KCND3: variants seen among roughly 807,000 people sequenced by gnomAD.
KCND3 encodes potassium voltage-gated channel subfamily D member 3, also known as A-type voltage-gated potassium channel KCND3.
A neutral mutation model predicts 51.1 loss-of-function variants in KCND3; 9 were observed. The observed-to-expected ratio is 0.18, with a 90% CI of 0.11 to 0.31. The LOEUF (loss-of-function observed/expected upper bound fraction) is 0.31. Among genes scored for constraint, KCND3 ranks in the 10% least tolerant of loss-of-function variants. The pLI is 1.00. For synonymous variants in KCND3, 349 were observed against 368.0 expected (o/e 0.95, Z 0.59); for missense variants, 526 against 903.8 (o/e 0.58, Z 5.36).
chr1:111,789,329 C>G (rs772916237), intron 2 of KCND3, among the ~76,000 whole-genome samples: 4 of 152,188 alleles, frequency 2.6e-5, no homozygotes, highest in Non-Finnish European at 4.4e-5. Flanking sequence ...CCTTCTCCAC[C>G]GGGAATAAGG....
chr1:111,807,860 A>G (rs1330283407), intron 2 of KCND3, among the ~76,000 whole-genome samples: 2 of 152,206 alleles, frequency 1.3e-5, no homozygotes, highest in African/African-American at 4.8e-5. Context: ...TTGTTAAGTG[A>G]TGCATGGCTG....
intron 3 of KCND3, among the ~76,000 whole-genome samples, chr1:111,781,090 A>G (rs1276517462): frequency 6.6e-6 from 1 of 152,196 alleles, no homozygotes; most frequent in Non-Finnish European, 1.5e-5. Flanking sequence ...CAGTATTGCA[A>G]AATGCCATGT....
At chr1:111,804,173 C>G (rs546977457) in intron 2 of KCND3, among the ~76,000 whole-genome samples, 1 of 152,384 alleles carries the variant, frequency 6.6e-6, no homozygotes, top group South Asian at 2.1e-4. Context: ...TCCTCCCTGG[C>G]TTCCGCCAAG....
Position 111,889,584 on chromosome 1 carries a change from C to T in KCND3, c.1106+92037G>A, listed in dbSNP as rs149895645. 1.6e-4 allele frequency among the ~76,000 whole-genome samples: 24 copies of T among 151,738 alleles called. No individual in the cohort carries two copies. In the East Asian group the frequency reaches 4.3e-3, roughly 27 times the overall value. Reference sequence around the variant, plus strand: ...AAATCATTTTAGGAGAATTTTTTGCCAAAGTTAAGGATGCACCCAGGAGAC... The same window carrying T: ...AAATCATTTTAGGAGAATTTTTTGCTAAAGTTAAGGATGCACCCAGGAGAC... On this transcript the variant is annotated intron_variant, in intron 2 of 7. Transcript: ENST00000302127.
rs540001651 is a variant in KCND3 at position 111,827,862 on chromosome 1, G to A, written c.1107-40756C>T. ...GCTGAGCAGAGGAAGAAGAAATGGG[G>A]CTCCAAGGGATGCAGCAGGGGGCCC... On this transcript the variant is annotated intron_variant, in intron 2 of 7. Transcript: ENST00000302127. Among the ~76,000 whole-genome samples, 392 of 152,282 alleles carry A rather than the reference G, an allele frequency of 2.6e-3. 4 individuals are homozygous for A. The highest frequency in any genetic ancestry group is 9.2e-3 in the African/African-American group (382 of 41,564).
At chr1:111,924,984 T>G (rs920196955) in intron 2 of KCND3, among the ~76,000 whole-genome samples, 1 of 152,240 alleles carries the variant, frequency 6.6e-6, no homozygotes, top group African/African-American at 2.4e-5. Flanking sequence ...TGCTCTCATC[T>G]CCACCTTGTG....
chr1:111,964,618 T>A (rs1437588028), intron 2 of KCND3, among the ~76,000 whole-genome samples: 1 of 152,210 alleles, frequency 6.6e-6, no homozygotes, highest in Non-Finnish European at 1.5e-5. Context: ...AAGGCAGCAC[T>A]AACTCAGAGG....
intron 2 of KCND3, among the ~76,000 whole-genome samples, chr1:111,952,495 G>A (rs1673112679): frequency 6.6e-6 from 1 of 152,190 alleles, no homozygotes; most frequent in Non-Finnish European, 1.5e-5. Flanking sequence ...TCACCATCTT[G>A]CAACAGCACT....
intron 2 of KCND3, among the ~76,000 whole-genome samples, chr1:111,821,577 C>T (rs760772145): frequency 5.3e-5 from 8 of 152,172 alleles, no homozygotes; most frequent in Non-Finnish European, 1.2e-4. Flanking sequence ...CAGGGTTGCT[C>T]TGGGATTTGG....
At chr1:111,776,885 A>G in intron 7 of KCND3, 141 bp downstream of exon 7, 1 of 1,488,356 alleles carries the variant, frequency 6.7e-7, no homozygotes, top group Admixed American at 2.0e-5. Context: ...CTTGCAAGGA[A>G]AGGAGGAAGG....
intron 2 of KCND3, among the ~76,000 whole-genome samples, chr1:111,976,450 C>A (rs543645788): frequency 6.6e-6 from 1 of 152,192 alleles, no homozygotes; most frequent in Non-Finnish European, 1.5e-5. Context: ...GTTCTCATAT[C>A]GCCAGAAGAT....
chr1:111,917,808 C>T (rs1030195907), intron 2 of KCND3, among the ~76,000 whole-genome samples: 1 of 152,192 alleles, frequency 6.6e-6, no homozygotes, highest in Non-Finnish European at 1.5e-5. Context: ...ACCACTGCAC[C>T]TTCCACTACA....
At chr1:111,870,001 T>C (rs936362895) in intron 2 of KCND3, among the ~76,000 whole-genome samples, 1 of 152,210 alleles carries the variant, frequency 6.6e-6, no homozygotes, top group Admixed American at 6.5e-5. Flanking sequence ...TGTGTGTTTT[T>C]TGAGGGAGTG....
intron 2 of KCND3, among the ~76,000 whole-genome samples, chr1:111,815,882 T>TC (rs1329213687): frequency 2.0e-5 from 3 of 152,000 alleles, no homozygotes; most frequent in African/African-American, 7.3e-5. Flanking sequence ...TTCCTGGATG[T>TC]TCCCCCCCCA....
At chr1:111,816,051 C>G (rs927816052) in intron 2 of KCND3, among the ~76,000 whole-genome samples, 2 of 152,252 alleles carry the variant, frequency 1.3e-5, no homozygotes, top group African/African-American at 2.4e-5. Context: ...TATGAATCAT[C>G]TCGTTTAATC....
At chr1:111,912,857 A>G (rs1383461920) in intron 2 of KCND3, among the ~76,000 whole-genome samples, 1 of 152,262 alleles carries the variant, frequency 6.6e-6, no homozygotes, top group Non-Finnish European at 1.5e-5. Flanking sequence ...TTACTGGAAG[A>G]GTCAAAAAGT....
Position 111,776,032 on chromosome 1 carries a change from C to T in KCND3, c.*45G>A, listed in dbSNP as rs771468218. 2 of 1,602,612 alleles carry T rather than the reference C, an allele frequency of 1.2e-6. No homozygotes were observed. Among genetic ancestry groups the T allele is most frequent in the Admixed American group, 1.7e-5 (1 of 60,004 alleles). On this transcript the variant is annotated 3_prime_UTR_variant, in exon 8 of 8. Coordinates refer to ENST00000302127, the MANE Select transcript of KCND3 (RefSeq NM_001378969.1). Reference sequence around the variant, plus strand: ...AGTGACCACCCACCAACATGCCAGTCCCCTTCATTCCCCACTACCCACTCT... The same window carrying T: ...AGTGACCACCCACCAACATGCCAGTTCCCTTCATTCCCCACTACCCACTCT...
chr1:111,920,746 G>A (rs867191943), intron 2 of KCND3, among the ~76,000 whole-genome samples: 7 of 152,320 alleles, frequency 4.6e-5, no homozygotes, highest in Middle Eastern at 6.8e-3. Context: ...GCCACCGGTA[G>A]CTCTGTGTGT....
chr1:111,856,092 C>T lies in KCND3; in HGVS notation c.1107-68986G>A, dbSNP rs866658910. Among the ~76,000 whole-genome samples, 5 of 152,334 alleles carry T rather than the reference C, an allele frequency of 3.3e-5. No individual in the cohort carries two copies. In the South Asian group the frequency reaches 1.0e-3, roughly 32 times the overall value. On this transcript the variant is annotated intron_variant, in intron 2 of 7. Transcript: ENST00000302127. ...AGGATGGAGAAGGATGGCGAGCAGA[C>T]CTGGACGGAGACCCTCCCTGATGAA...
Sources: allele counts gnomAD v4.1 joint callset (sites outside exome capture counted in the v4.1 genomes callset), GRCh38; gene constraint gnomAD v4.1.1; transcripts MANE v1.5; gene names NCBI Gene and HGNC (gene_info 2026-07-23, HGNC 2026-07-21).